FRMD4B: variants seen among roughly 807,000 people sequenced by gnomAD.
The protein encoded by FRMD4B is FERM domain containing 4B.
Under a neutral mutation model 141.5 loss-of-function variants are expected in FRMD4B, and 74 were observed. The observed-to-expected ratio is 0.52, with a 90% CI of 0.43 to 0.63. The LOEUF (loss-of-function observed/expected upper bound fraction) is 0.63, where lower values mean the gene tolerates loss of function less well. Among genes scored for constraint, FRMD4B ranks in the 30% least tolerant of loss-of-function variants. The pLI is 0.00. For missense variants in FRMD4B, 1,366 were observed against 1,253.4 expected, an observed-to-expected ratio of 1.09 and a Z score of -1.36; for synonymous variants, 506 against 467.9, an observed-to-expected ratio of 1.08 and a Z score of -1.05.
At chr3:69,412,840 CTTTTTTTTT>C (rs869150440) in intron 2 of FRMD4B, among the ~76,000 whole-genome samples, 21 of 54,244 alleles carry the variant, frequency 3.9e-4, no homozygotes, top group African/African-American at 1.4e-3. Flanking sequence ...AGAAGCTCCA[CTTTTTTTTT>C]TTTTTTTTTT....
At chr3:69,356,565 C>T (rs1305967090) in intron 1 of FRMD4B, among the ~76,000 whole-genome samples, 5 of 150,544 alleles carry the variant, frequency 3.3e-5, no homozygotes, top group African/African-American at 1.2e-4. Context: ...ATAAACTCCC[C>T]TTTATATATA....
chr3:69,434,784 G>A (rs1455714276), intron 1 of FRMD4B, among the ~76,000 whole-genome samples: 1 of 152,202 alleles, frequency 6.6e-6, no homozygotes, highest in East Asian at 1.9e-4. Context: ...AGTTGGGGTA[G>A]ATGAGTTACA....
chr3:69,317,468 T>C (rs1344365513), intron 1 of FRMD4B, among the ~76,000 whole-genome samples: 2 of 152,040 alleles, frequency 1.3e-5, no homozygotes, highest in Non-Finnish European at 1.5e-5. Context: ...GCAAAAGACC[T>C]GGGTGCAGTG....
chr3:69,210,801 G>T (rs2093068697), intron 11 of FRMD4B, among the ~76,000 whole-genome samples: 1 of 152,030 alleles, frequency 6.6e-6, no homozygotes, highest in South Asian at 2.1e-4. Flanking sequence ...ATCACCTGAG[G>T]TCAGGAGTTC....
intron 22 of FRMD4B, among the ~76,000 whole-genome samples, chr3:69,175,752 A>ACTTT (rs1331018312): frequency 6.7e-6 from 1 of 149,984 alleles, no homozygotes; most frequent in Non-Finnish European, 1.5e-5. Context: ...GGGTTAGCAA[A>ACTTT]CTTTTTCTTT....
intron 1 of FRMD4B, among the ~76,000 whole-genome samples, chr3:69,530,039 T>C (rs1700989063): frequency 6.6e-6 from 1 of 152,216 alleles, no homozygotes; most frequent in Non-Finnish European, 1.5e-5. Flanking sequence ...TGGGCCAACA[T>C]CTATACCCTG....
At chr3:69,291,383 A>T (rs2107098042) in intron 4 of FRMD4B, among the ~76,000 whole-genome samples, 1 of 152,300 alleles carries the variant, frequency 6.6e-6, no homozygotes, top group South Asian at 2.1e-4. Flanking sequence ...GTATTTTCCC[A>T]TTGCCTCCAA....
chr3:69,270,569 C>CTTTTTTTTTTT (rs57693333), intron 5 of FRMD4B, among the ~76,000 whole-genome samples: 107 of 144,782 alleles, frequency 7.4e-4, no homozygotes, highest in East Asian at 2.1e-3. Context: ...TTCTTTTTTT[C>CTTTTTTTTTTT]TTTTTTTTTT....
At position 69,180,890 on chromosome 3, in the gene FRMD4B, T is replaced by A; in HGVS notation, c.2851+9A>T. 6.4e-7 allele frequency: 1 copy of A among 1,551,820 alleles called. No individual in the cohort carries two copies. The highest frequency in any genetic ancestry group is 1.2e-5 in the South Asian group (1 of 85,512). ...ATCCAGGTGTTGCGTGTTTTTACAG[T>A]ATTCTCACCTGAAGAGTACGAGGAT... On this transcript the variant is annotated intron_variant, in intron 21 of 22. Coordinates refer to ENST00000398540, the MANE Select transcript of FRMD4B (RefSeq NM_015123.3).
intron 1 of FRMD4B, among the ~76,000 whole-genome samples, chr3:69,487,880 T>C (rs1706243074): frequency 6.6e-6 from 1 of 152,214 alleles, no homozygotes; most frequent in Admixed American, 6.5e-5. Flanking sequence ...CCTTGCTAAA[T>C]TGAGAAATCA....
At chr3:69,494,139 C>T (rs1277773418) in intron 1 of FRMD4B, among the ~76,000 whole-genome samples, 1 of 152,198 alleles carries the variant, frequency 6.6e-6, no homozygotes, top group African/African-American at 2.4e-5. Flanking sequence ...CTTGGCCTCC[C>T]TAAGCACTGG....
chr3:69,242,784 G>T (rs1212951814), intron 7 of FRMD4B, among the ~76,000 whole-genome samples: 2 of 151,270 alleles, frequency 1.3e-5, no homozygotes, highest in African/African-American at 4.9e-5. Flanking sequence ...CATGAGGTCA[G>T]GAGTTCAACA....
chr3:69,287,971 A>G, intron 4 of FRMD4B, 135 bp from the exon 5 acceptor site: 1 of 588,792 alleles, frequency 1.7e-6, no homozygotes, highest in Non-Finnish European at 3.0e-6. Context: ...CCGTTTTAAA[A>G]GAAATATGCA....
At chr3:69,212,359 C>CAAAAAAAAAAAAAAAAAAAAAAA (rs869309749) in intron 11 of FRMD4B, among the ~76,000 whole-genome samples, 28 of 25,352 alleles carry the variant, frequency 1.1e-3, no homozygotes, top group Non-Finnish European at 1.4e-3. Flanking sequence ...AACCCCGTCT[C>CAAAAAAAAAAAAAAAAAAAAAAA]AAAAAAAAAA....
chr3:69,396,229 G>T (rs2106737740), intron 2 of FRMD4B, among the ~76,000 whole-genome samples: 1 of 152,268 alleles, frequency 6.6e-6, no homozygotes, highest in Non-Finnish European at 1.5e-5. Flanking sequence ...AACAGGGGCT[G>T]GGTGTGGTGG....
intron 1 of FRMD4B, among the ~76,000 whole-genome samples, chr3:69,480,879 G>A (rs1706109682): frequency 6.6e-6 from 1 of 152,200 alleles, no homozygotes; most frequent in Non-Finnish European, 1.5e-5. Context: ...CGAGCTTCCT[G>A]GCTTATTTGT....
intron 12 of FRMD4B, chr3:69,197,757 T>C (rs2092923669): frequency 6.6e-6 from 1 of 152,510 alleles, no homozygotes; most frequent in Non-Finnish European, 1.5e-5. Flanking sequence ...GTCACCTTTT[T>C]ATCACAGGTA....
intron 11 of FRMD4B, among the ~76,000 whole-genome samples, chr3:69,214,141 G>A (rs1390397296): frequency 6.6e-6 from 1 of 152,104 alleles, no homozygotes; most frequent in Non-Finnish European, 1.5e-5. Flanking sequence ...AAAAGAGGGG[G>A]TTTTATTTAT....
rs1050377510 is a variant in FRMD4B, at chr3:69,444,763, G to A, written c.-128-12002C>T. ...TGCTATGTTCACTACTCATCTCCACGAACATAAAGAAACAACAAAATCTCT... is the reference window on the plus strand; with the variant it reads ...TGCTATGTTCACTACTCATCTCCACAAACATAAAGAAACAACAAAATCTCT... On this transcript the variant is annotated intron_variant, in intron 1 of 5. Coordinates refer to the FRMD4B transcript ENST00000459638. 3.3e-5 allele frequency among the ~76,000 whole-genome samples: 5 copies of A among 151,970 alleles called. No homozygotes were observed. In the South Asian group the frequency reaches 6.2e-4, roughly 19 times the overall value.
Sources: gnomAD v4.1 joint callset for allele counts (sites outside exome capture counted in the v4.1 genomes callset) on GRCh38, gnomAD v4.1.1 for gene constraint, MANE v1.5 for transcripts, NCBI Gene and HGNC (gene_info 2026-07-23, HGNC 2026-07-21) for gene names.